The following SEMA6D variants were observed in gnomAD, a reference collection of about 807,000 sequenced individuals.
The protein encoded by SEMA6D is semaphorin-6D.
Under a neutral mutation model 106.6 loss-of-function variants are expected in SEMA6D, and 35 were observed. The ratio of observed to expected loss-of-function variants is 0.33; its 90% confidence interval spans 0.25 to 0.44. The LOEUF (loss-of-function observed/expected upper bound fraction) is 0.44, where lower values mean the gene tolerates loss of function less well. SEMA6D is among the 20% of genes least tolerant of loss of function. SEMA6D has a pLI of 1.00. For synonymous variants in SEMA6D, 499 were observed against 487.7 expected, an observed-to-expected ratio of 1.02 and a Z score of -0.31; for missense variants, 1,185 against 1,345.9, an observed-to-expected ratio of 0.88 and a Z score of 1.87.
At position 47,767,457 on chromosome 15, in the gene SEMA6D, A is replaced by T. The variant is rs561476663; in HGVS notation, c.1765+364A>T. On this transcript the variant is annotated intron_variant, in intron 17 of 18. Transcript: ENST00000536845. ...ATGGCGGAATTTCATTATTTTCCCC[A>T]TCTCTCCTCACCTTTCCTATGACCT... 6.4e-5 allele frequency: 11 copies of T among 171,290 alleles called. No homozygotes were observed. In the East Asian group the frequency reaches 1.5e-3, roughly 24 times the overall value. The allele number at this position is 171,290 out of a possible 1,614,324, so 10.6% of individuals were successfully genotyped here.
intron 3 of SEMA6D, among the ~76,000 whole-genome samples, chr15:47,492,768 C>T (rs566320340): frequency 1.0e-3 from 156 of 152,190 alleles, no homozygotes; most frequent in African/African-American, 3.4e-3. Context: ...TAACTATAAC[C>T]GCTGCCCCTT....
rs944402311 is a variant in SEMA6D at position 47,583,906 on chromosome 15, A to G, written c.-86-16959A>G. Among the ~76,000 whole-genome samples, 4 of 152,128 alleles carry G rather than the reference A, an allele frequency of 2.6e-5. No homozygotes were observed. The South Asian group carries it at 8.3e-4, about 32-fold the overall frequency. ...CACAGCTTTGTCTGCATCCTGATCTACTTTAGACTGGATGTCTTTAGGACA... is the reference window on the plus strand; with the variant it reads ...CACAGCTTTGTCTGCATCCTGATCTGCTTTAGACTGGATGTCTTTAGGACA... On this transcript the variant is annotated intron_variant, in intron 3 of 19. Transcript: ENST00000558014.
intron 1 of SEMA6D, among the ~76,000 whole-genome samples, chr15:47,288,883 T>C (rs1312030195): frequency 6.6e-6 from 1 of 152,202 alleles, no homozygotes; most frequent in Non-Finnish European, 1.5e-5. Context: ...ATAATTCTGA[T>C]TGGGAGCATA....
intron 1 of SEMA6D, among the ~76,000 whole-genome samples, chr15:47,358,577 T>C (rs993461759): frequency 2.0e-5 from 3 of 152,210 alleles, no homozygotes; most frequent in Non-Finnish European, 2.9e-5. Context: ...AAATCATCCT[T>C]AGTCGTGGTG....
At chr15:47,611,474 T>C (rs1021777178) in intron 4 of SEMA6D, among the ~76,000 whole-genome samples, 2 of 152,234 alleles carry the variant, frequency 1.3e-5, no homozygotes, top group African/African-American at 2.4e-5. Context: ...TATAGCACTT[T>C]GTATACAATA....
At chr15:47,295,301 A>T (rs2035762625) in intron 1 of SEMA6D, among the ~76,000 whole-genome samples, 1 of 152,222 alleles carries the variant, frequency 6.6e-6, no homozygotes, top group South Asian at 2.1e-4. Flanking sequence ...AAAATTACAG[A>T]TTAGATAAAC....
At chr15:47,569,734 A>G (rs1389184346) in intron 3 of SEMA6D, among the ~76,000 whole-genome samples, 3 of 152,142 alleles carry the variant, frequency 2.0e-5, no homozygotes, top group Admixed American at 1.3e-4. Context: ...ATAAATTAAT[A>G]ATTTAGTAAA....
At chr15:47,463,144 C>T (rs932398469) in intron 2 of SEMA6D, among the ~76,000 whole-genome samples, 1 of 152,136 alleles carries the variant, frequency 6.6e-6, no homozygotes, top group African/African-American at 2.4e-5. Context: ...CAACCAGGAT[C>T]TAAATCCACC....
chr15:47,412,784 A>G (rs1315319252), intron 2 of SEMA6D, among the ~76,000 whole-genome samples: 2 of 152,224 alleles, frequency 1.3e-5, no homozygotes, highest in Non-Finnish European at 1.5e-5. Context: ...ATGATTATAC[A>G]GCACAAAGAG....
At chr15:47,520,429 C>T (rs1049499692) in intron 3 of SEMA6D, among the ~76,000 whole-genome samples, 3 of 152,094 alleles carry the variant, frequency 2.0e-5, no homozygotes, top group Non-Finnish European at 4.4e-5. Flanking sequence ...AATTTCTCAA[C>T]ATGAGAGAAC....
chr15:47,497,280 A>C (rs1026891986), intron 3 of SEMA6D, among the ~76,000 whole-genome samples: 1 of 151,520 alleles, frequency 6.6e-6, no homozygotes, highest in African/African-American at 2.4e-5. Flanking sequence ...TAATTTTTAG[A>C]CTGTTGTCCT....
intron 4 of SEMA6D, among the ~76,000 whole-genome samples, chr15:47,607,157 T>C (rs1418045052): frequency 1.3e-5 from 2 of 152,234 alleles, no homozygotes; most frequent in African/African-American, 4.8e-5. Context: ...ATATGTTTAG[T>C]AGATTTGTAG....
At chr15:47,289,843 C>G (rs2035526024) in intron 1 of SEMA6D, among the ~76,000 whole-genome samples, 2 of 151,830 alleles carry the variant, frequency 1.3e-5, no homozygotes, top group African/African-American at 4.8e-5. Flanking sequence ...AGATCACCAT[C>G]TGCAACCATG....
intron 3 of SEMA6D, among the ~76,000 whole-genome samples, chr15:47,554,670 A>T (rs2045864504): frequency 6.6e-6 from 1 of 152,218 alleles, no homozygotes; most frequent in Non-Finnish European, 1.5e-5. Context: ...ACACACAGAT[A>T]ATGAACAATG....
At chr15:47,732,857 A>T (rs1339185505) in intron 1 of SEMA6D, among the ~76,000 whole-genome samples, 1 of 152,166 alleles carries the variant, frequency 6.6e-6, no homozygotes. Context: ...TCATAAAACG[A>T]CTTCTCTTTC....
intron 4 of SEMA6D, among the ~76,000 whole-genome samples, chr15:47,637,972 G>C (rs1402199764): frequency 6.6e-6 from 1 of 152,146 alleles, no homozygotes; most frequent in African/African-American, 2.4e-5. Context: ...AGGTTATGTT[G>C]CTGGCACAGA....
chr15:47,707,371 C>T (rs2078932233), intron 4 of SEMA6D, among the ~76,000 whole-genome samples: 1 of 152,166 alleles, frequency 6.6e-6, no homozygotes, highest in Admixed American at 6.5e-5. Flanking sequence ...CTAAAAATTT[C>T]TGAAATAATG....
At position 47,321,753 on chromosome 15, in the gene SEMA6D, G is replaced by T. The variant is rs999831095; in HGVS notation, c.-238-90640G>T. On this transcript the variant is annotated intron_variant, in intron 1 of 19. Transcript: ENST00000558014. ...ATGTCTAAAACTTCTTTAGCTACTG[G>T]TTATTTTTATTATGATGATAGTTAC... is the stretch of plus-strand genomic sequence containing the variant. Among the ~76,000 whole-genome samples, 4 of 152,168 alleles carry T rather than the reference G, an allele frequency of 2.6e-5. No homozygotes were observed. The East Asian group carries it at 7.7e-4, about 29-fold the overall frequency.
intron 1 of SEMA6D, among the ~76,000 whole-genome samples, chr15:47,744,787 C>T (rs912522590): frequency 6.6e-6 from 1 of 152,168 alleles, no homozygotes; most frequent in Non-Finnish European, 1.5e-5. Flanking sequence ...TCCTAGGCAA[C>T]GGCAATGCTA....
Sources: allele counts gnomAD v4.1 joint callset (sites outside exome capture counted in the v4.1 genomes callset), GRCh38; gene constraint gnomAD v4.1.1; transcripts MANE v1.5; gene names NCBI Gene and HGNC (gene_info 2026-07-23, HGNC 2026-07-21).